TCF4: variants seen among roughly 807,000 people sequenced by gnomAD.
The protein encoded by TCF4 is transcription factor 4, also known as SL3-3 enhancer factor 2.
TCF4 carries 3 observed loss-of-function variants against 82.1 expected under a neutral mutation model. That is an observed-to-expected ratio of 0.04 (90% confidence interval 0.02 to 0.09). TCF4 has a LOEUF of 0.09. Among genes scored for constraint, TCF4 ranks in the 10% least tolerant of loss-of-function variants. The pLI, the probability that TCF4 is intolerant of heterozygous loss-of-function variation, is 1.00. For missense variants in TCF4, 518 were observed against 852.7 expected, an observed-to-expected ratio of 0.61 and a Z score of 4.89; for synonymous variants, 276 against 309.6, an observed-to-expected ratio of 0.89 and a Z score of 1.14.
chr18:55,314,624 C>G (rs2073589562), intron 8 of TCF4, among the ~76,000 whole-genome samples: 1 of 150,596 alleles, frequency 6.6e-6, no homozygotes, highest in Non-Finnish European at 1.5e-5. Context: ...GCACTTGTAT[C>G]TTGCTTCCCT....
At chr18:55,566,044 CA>C (rs1165991030) in intron 3 of TCF4, among the ~76,000 whole-genome samples, 2,723 of 71,302 alleles carry the variant, frequency 0.038, 42 homozygotes, top group African/African-American at 0.083. Context: ...ACTAAAAATA[CA>C]AAAAAAAAAA....
At chr18:55,414,283 T>C (rs2094452479) in intron 5 of TCF4, among the ~76,000 whole-genome samples, 1 of 151,598 alleles carries the variant, frequency 6.6e-6, no homozygotes, top group South Asian at 2.1e-4. Flanking sequence ...TTAAGGTAAC[T>C]GGAACCTAAA....
intron 3 of TCF4, among the ~76,000 whole-genome samples, chr18:55,486,507 G>C (rs545685707): frequency 6.6e-6 from 1 of 152,130 alleles, no homozygotes; most frequent in Non-Finnish European, 1.5e-5. Context: ...CAGGAAAATC[G>C]CTTGAACCCG....
chr18:55,562,695 T>C (rs1260140399), intron 3 of TCF4, among the ~76,000 whole-genome samples: 1 of 152,232 alleles, frequency 6.6e-6, no homozygotes, highest in Non-Finnish European at 1.5e-5. Context: ...TTCTTGATTT[T>C]TGCCATAACT....
At chr18:55,443,573 C>A (rs542250259) in intron 5 of TCF4, among the ~76,000 whole-genome samples, 1 of 152,110 alleles carries the variant, frequency 6.6e-6, no homozygotes, top group African/African-American at 2.4e-5. Context: ...CTCAAGAGAC[C>A]CAACAAGGTA....
chr18:55,232,678 A>C lies in TCF4; in HGVS notation c.1487-7T>G, dbSNP rs2048227413. The C allele has an allele frequency of 6.2e-7, 1 of 1,614,084 alleles. No homozygotes were observed. The highest frequency in any genetic ancestry group is 2.2e-5 in the East Asian group (1 of 44,870). On this transcript the variant is annotated splice_polypyrimidine_tract_variant and splice_region_variant and intron_variant, in intron 16 of 19. Transcript: ENST00000354452. Reference sequence around the variant, plus strand: ...TGTAGTCCTGGTGGCATGCCTGCCGAAAAAGAGAAATCAGGTGACATGTAC... The same window carrying C: ...TGTAGTCCTGGTGGCATGCCTGCCGCAAAAGAGAAATCAGGTGACATGTAC...
At chr18:55,402,128 C>T in intron 6 of TCF4, 2 of 985,446 alleles carry the variant, frequency 2.0e-6, no homozygotes, top group Non-Finnish European at 2.4e-6. Context: ...AAACAAACTG[C>T]CATGAACTGC....
chr18:55,449,238 G>A (rs2095579747), intron 5 of TCF4, among the ~76,000 whole-genome samples: 2 of 152,046 alleles, frequency 1.3e-5, no homozygotes. Flanking sequence ...CTAGCTAACA[G>A]GGATCATCCA....
chr18:55,330,085 T>C (rs2077249910), intron 8 of TCF4, among the ~76,000 whole-genome samples: 1 of 151,944 alleles, frequency 6.6e-6, no homozygotes, highest in Non-Finnish European at 1.5e-5. Context: ...TGCAAGGAAA[T>C]GGTACAGAAC....
intron 3 of TCF4, among the ~76,000 whole-genome samples, chr18:55,573,882 A>G (rs1343781407): frequency 6.6e-6 from 1 of 152,186 alleles, no homozygotes; most frequent in African/African-American, 2.4e-5. Context: ...GTATTACCTG[A>G]CACATGGTAG....
At chr18:55,612,206 G>T (rs2097707705) in intron 2 of TCF4, among the ~76,000 whole-genome samples, 1 of 152,158 alleles carries the variant, frequency 6.6e-6, no homozygotes, top group Non-Finnish European at 1.5e-5. Context: ...CATTGGACAG[G>T]GCAGACTGAG....
intron 3 of TCF4, among the ~76,000 whole-genome samples, chr18:55,507,212 T>C (rs2096771713): frequency 6.6e-6 from 1 of 152,226 alleles, no homozygotes; most frequent in Admixed American, 6.5e-5. Context: ...ATGCACTTCA[T>C]GGCTTTCTTT....
At chr18:55,490,817 T>C (rs1381645005) in intron 3 of TCF4, among the ~76,000 whole-genome samples, 1 of 152,140 alleles carries the variant, frequency 6.6e-6, no homozygotes, top group Non-Finnish European at 1.5e-5. Flanking sequence ...TAAATCCCAT[T>C]TGGACTGCAC....
At chr18:55,397,016 ATG>A (rs1316634581) in intron 6 of TCF4, among the ~76,000 whole-genome samples, 1 of 152,208 alleles carries the variant, frequency 6.6e-6, no homozygotes, top group Non-Finnish European at 1.5e-5. Context: ...AGGGTCATCA[ATG>A]TGTGCTAAAA....
At chr18:55,483,655 A>G (rs1157003073) in intron 3 of TCF4, among the ~76,000 whole-genome samples, 2 of 152,176 alleles carry the variant, frequency 1.3e-5, no homozygotes, top group Non-Finnish European at 2.9e-5. Flanking sequence ...TAGTGATTTG[A>G]TACATATTAT....
chr18:55,356,183 G>A (rs1385578488), intron 6 of TCF4, among the ~76,000 whole-genome samples: 2 of 152,032 alleles, frequency 1.3e-5, no homozygotes, highest in Non-Finnish European at 2.9e-5. Flanking sequence ...ACAATCCACT[G>A]ATTATTATTG....
chr18:55,481,968 T>C (rs1296173501), intron 3 of TCF4, among the ~76,000 whole-genome samples: 1 of 152,178 alleles, frequency 6.6e-6, no homozygotes, highest in African/African-American at 2.4e-5. Context: ...GGAGATTCCT[T>C]GAATTCAGAT....
chr18:55,622,727 T>A (rs1377217918), intron 2 of TCF4, among the ~76,000 whole-genome samples: 1 of 152,122 alleles, frequency 6.6e-6, no homozygotes, highest in Non-Finnish European at 1.5e-5. Flanking sequence ...ATCCAGATGC[T>A]CTTTCCACAC....
At chr18:55,283,621 G>T (rs996855190) in intron 8 of TCF4, among the ~76,000 whole-genome samples, 1 of 152,196 alleles carries the variant, frequency 6.6e-6, no homozygotes, top group Non-Finnish European at 1.5e-5. Context: ...AAGGTCAAGT[G>T]TATTGGCCCA....
Sources: gnomAD v4.1 joint callset for allele counts (sites outside exome capture counted in the v4.1 genomes callset) on GRCh38, gnomAD v4.1.1 for gene constraint, MANE v1.5 for transcripts, NCBI Gene and HGNC (gene_info 2026-07-23, HGNC 2026-07-21) for gene names.